The following VPS13D variants were observed in gnomAD, a reference collection of about 807,000 sequenced individuals.
The protein encoded by VPS13D is intermembrane lipid transfer protein VPS13D.
In VPS13D, 187 loss-of-function variants were observed where a neutral mutation model predicts 461.9. The observed-to-expected ratio is 0.40, with a 90% CI of 0.36 to 0.46. The LOEUF (loss-of-function observed/expected upper bound fraction) is 0.46, where lower values mean the gene tolerates loss of function less well. Among genes scored for constraint, VPS13D ranks in the 20% least tolerant of loss-of-function variants. The probability of loss-of-function intolerance (pLI) is 0.60; values close to 1 mark genes in which losing one functional copy is unlikely to be tolerated. For missense variants in VPS13D, 4,711 were observed against 5,364.9 expected (o/e 0.88, Z 3.81); for synonymous variants, 1,951 against 1,986.3 (o/e 0.98, Z 0.47).
intron 15 of VPS13D, 120 bp from the exon 16 acceptor site, chr1:12,268,586 T>C: frequency 8.7e-7 from 1 of 1,155,378 alleles, no homozygotes; most frequent in Non-Finnish European, 1.2e-6. Context: ...TAGGCATAAA[T>C]GTGAACTAAT....
At chr1:12,240,818 CG>C (rs1193527751) in intron 2 of VPS13D, among the ~76,000 whole-genome samples, 1 of 64,608 alleles carries the variant, frequency 1.5e-5, no homozygotes, top group Non-Finnish European at 2.8e-5. Context: ...GGTGGTGGGG[CG>C]GGGTGGGGGG....
intron 49 of VPS13D, 59 bp downstream of exon 49, chr1:12,356,583 T>A: frequency 1.9e-6 from 3 of 1,585,226 alleles, no homozygotes; most frequent in Non-Finnish European, 2.6e-6. Context: ...AAGAAATTAG[T>A]AAAGGCTATA....
intron 37 of VPS13D, among the ~76,000 whole-genome samples, chr1:12,330,166 G>T (rs1250331804): frequency 2.0e-5 from 3 of 152,202 alleles, no homozygotes; most frequent in Non-Finnish European, 4.4e-5. Context: ...TGTAATCCCA[G>T]CACTTTGGGA....
chr1:12,365,564 C>G (rs901234699), intron 52 of VPS13D, among the ~76,000 whole-genome samples: 1 of 152,028 alleles, frequency 6.6e-6, no homozygotes, highest in East Asian at 1.9e-4. Flanking sequence ...ATTAGCCAGG[C>G]ATGGTGGTGT....
In VPS13D at chr1:12,505,127, C is replaced by T. The variant is rs1014411950; in HGVS notation, c.12795-1726C>T. On this transcript the variant is annotated intron_variant, in intron 68 of 69. Coordinates refer to ENST00000620676, the MANE Select transcript of VPS13D (RefSeq NM_015378.4). This position sits in a 1 kb window ranked among gnomAD's most constrained non-coding sequence, Gnocchi z 4.2. ...CTCAGTGGCTGTGCACCAGGCCCAC[C>T]GATGCTCAGGGGTGTAGGCTGCTTC... is the stretch of plus-strand genomic sequence containing the variant. Among the ~76,000 whole-genome samples, 6 of 152,138 alleles carry T rather than the reference C, an allele frequency of 3.9e-5. No homozygotes were observed. Among genetic ancestry groups the T allele is most frequent in the African/African-American group, 1.4e-4 (6 of 41,436 alleles).
chr1:12,383,032 C>G lies in VPS13D; in HGVS notation c.11247C>G (p.Asp3749Glu). The change falls in exon 58 of 70, where the codon GAC becomes GAG. Residue 3749 changes from aspartate (D) to glutamate (E), a missense_variant. Physicochemically the swap from Asp to Glu is conservative, Grantham distance 45. This residue lies in a region of VPS13D where 4,411 missense variants were observed against 4,937.8 expected (regional missense o/e 0.89). Coordinates refer to ENST00000620676, the MANE Select transcript of VPS13D (RefSeq NM_015378.4). ...GAGCTGAAGTTGTTCTTGGTCCTGA[C>G]ACTTCCATGGAGCTTTTGGGGCCAG... ...FDGAEVVLGP[D>E]TSMELLGPVP... 1 of 1,614,124 alleles carries G rather than the reference C, an allele frequency of 6.2e-7. No homozygotes were observed. Among genetic ancestry groups the G allele is most frequent in the Non-Finnish European group, 8.5e-7 (1 of 1,180,010 alleles).
intron 67 of VPS13D, among the ~76,000 whole-genome samples, chr1:12,461,826 T>C (rs1340446143): frequency 1.3e-5 from 2 of 152,232 alleles, no homozygotes; most frequent in African/African-American, 2.4e-5. Context: ...TTAATAATGT[T>C]GACGAGAAAG....
At chr1:12,275,300 A>T (rs949589208) in intron 18 of VPS13D, among the ~76,000 whole-genome samples, 3 of 152,128 alleles carry the variant, frequency 2.0e-5, no homozygotes, top group Non-Finnish European at 4.4e-5. Flanking sequence ...CTGTAATCCC[A>T]GCTGCTTGGG....
chr1:12,281,063 ATTT>A (rs201362588), intron 20 of VPS13D, among the ~76,000 whole-genome samples: 1 of 138,578 alleles, frequency 7.2e-6, no homozygotes, highest in African/African-American at 2.6e-5. Flanking sequence ...TGTTTTATCT[ATTT>A]TTTTTTTTTT....
chr1:12,499,754 C>A, intron 68 of VPS13D: 1 of 985,366 alleles, frequency 1.0e-6, no homozygotes, highest in Non-Finnish European at 1.2e-6. Flanking sequence ...CCCAAGTGTA[C>A]AAGGAAGAAG....
In VPS13D at chr1:12,300,003, T is replaced by G. The variant is rs115224672; in HGVS notation, c.6216+619T>G. Among the ~76,000 whole-genome samples, 931 of 151,966 alleles carry G rather than the reference T, an allele frequency of 6.1e-3. 12 individuals are homozygous for G. The highest frequency in any genetic ancestry group is 0.02 in the African/African-American group (839 of 41,408). ...GATAGCATAGTACCCAATAGGTAGT[T>G]TTCCGACCCATTCCCCCCAACCCCC... On this transcript the variant is annotated intron_variant, in intron 25 of 69. Coordinates refer to ENST00000620676, the MANE Select transcript of VPS13D (RefSeq NM_015378.4).
rs1468339913 is a variant in VPS13D at position 12,293,626 on chromosome 1, G to C, written c.5955G>C (p.Glu1985Asp). The C allele has an allele frequency of 1.2e-6, 2 of 1,614,224 alleles. No individual in the cohort carries two copies. Among genetic ancestry groups the C allele is most frequent in the Admixed American group, 3.3e-5 (2 of 60,028 alleles). The change falls in exon 24 of 70, where the codon GAG becomes GAC. Residue 1985 changes from glutamate to aspartate, a missense_variant. This residue lies in a region of VPS13D where 4,411 missense variants were observed against 4,937.8 expected (regional missense o/e 0.89). Transcript: ENST00000620676. Reference protein sequence around the residue: ...QYVHTQRFQAEVVAFIQHFTQ... With the variant: ...QYVHTQRFQADVVAFIQHFTQ... ...TGCATACTCAGCGTTTCCAGGCAGAGGTGGTGGCCTTCATTCAGCATTTCA... is the reference window on the plus strand; with the variant it reads ...TGCATACTCAGCGTTTCCAGGCAGACGTGGTGGCCTTCATTCAGCATTTCA...
In VPS13D at chr1:12,473,363, G is replaced by A. The variant is rs1031514323; in HGVS notation, c.12662+12967G>A. On this transcript the variant is annotated intron_variant, in intron 67 of 69. Coordinates refer to ENST00000620676, the MANE Select transcript of VPS13D (RefSeq NM_015378.4). This position sits in a 1 kb window ranked among gnomAD's most constrained non-coding sequence, Gnocchi z 4.2. ...GGCAGTCAGTGTGAAAAGAAACCACGCATTTGCAGGAAGCAAGAAGGGGTT... is the reference window on the plus strand; with the variant it reads ...GGCAGTCAGTGTGAAAAGAAACCACACATTTGCAGGAAGCAAGAAGGGGTT... Among the ~76,000 whole-genome samples, 17 of 152,320 alleles carry A rather than the reference G, an allele frequency of 1.1e-4. No homozygotes were observed. Among genetic ancestry groups the A allele is most frequent in the African/African-American group, 3.1e-4 (13 of 41,570 alleles).
At chr1:12,390,107 G>A (rs1644404718) in intron 60 of VPS13D, among the ~76,000 whole-genome samples, 2 of 152,138 alleles carry the variant, frequency 1.3e-5, no homozygotes, top group African/African-American at 4.8e-5. Flanking sequence ...TCCTCCCTCT[G>A]GAACTAAGAC....
At chr1:12,328,077 A>G (rs1643237339) in intron 36 of VPS13D, among the ~76,000 whole-genome samples, 1 of 152,182 alleles carries the variant, frequency 6.6e-6, no homozygotes, top group African/African-American at 2.4e-5. Context: ...GTCTTTGATA[A>G]AATTTCCATT....
At chr1:12,290,599 G>A (rs1164867244) in intron 22 of VPS13D, among the ~76,000 whole-genome samples, 1 of 151,986 alleles carries the variant, frequency 6.6e-6, no homozygotes, top group Non-Finnish European at 1.5e-5. Context: ...GTGGGCACCT[G>A]TAGTCCCAGC....
chr1:12,416,620 G>C (rs1644797837), intron 64 of VPS13D, 40 bp from the exon 65 acceptor site: 1 of 1,593,750 alleles, frequency 6.3e-7, no homozygotes, highest in African/African-American at 1.4e-5. Flanking sequence ...AATATAAGTA[G>C]ATGCTGATTG....
chr1:12,435,152 C>T (rs2100318365), intron 65 of VPS13D, among the ~76,000 whole-genome samples: 2 of 152,160 alleles, frequency 1.3e-5, no homozygotes, highest in South Asian at 4.2e-4. Flanking sequence ...TACTGATTGC[C>T]CAGTTGAAAT....
chr1:12,462,282 G>A (rs1645423208), intron 67 of VPS13D, among the ~76,000 whole-genome samples: 1 of 152,232 alleles, frequency 6.6e-6, no homozygotes, highest in Non-Finnish European at 1.5e-5. Flanking sequence ...AGTGATCAGG[G>A]GAGTTGAGAC....
Sources: gnomAD v4.1 joint callset for allele counts (sites outside exome capture counted in the v4.1 genomes callset) on GRCh38, gnomAD v4.1.1 for gene constraint, gnomAD v4.1.1 regional missense constraint, Gnocchi (gnomAD v3.1) non-coding constraint, MANE v1.5 for transcripts, NCBI Gene and HGNC (gene_info 2026-07-23, HGNC 2026-07-21) for gene names.